SUGCT: variants seen among roughly 807,000 people sequenced by gnomAD.
SUGCT encodes succinyl-CoA:glutarate CoA-transferase.
SUGCT carries 41 observed loss-of-function variants against 55.0 expected under a neutral mutation model. That is an observed-to-expected ratio of 0.74 (90% CI 0.58 to 0.97). SUGCT has a LOEUF of 0.97. SUGCT is among the 50% of genes least tolerant of loss of function. The pLI is 0.00. For synonymous variants in SUGCT, 187 were observed against 200.4 expected, an observed-to-expected ratio of 0.93 and a Z score of 0.56; for missense variants, 568 against 547.8, an observed-to-expected ratio of 1.04 and a Z score of -0.37.
intron 8 of SUGCT, among the ~76,000 whole-genome samples, chr7:40,284,220 T>G (rs932101546): frequency 1.3e-5 from 2 of 152,042 alleles, no homozygotes; most frequent in Non-Finnish European, 2.9e-5. Flanking sequence ...GTTCTGGAGA[T>G]CTATTGTACA....
rs747756483 is a variant in SUGCT, at chr7:40,657,444, C to T, written c.1090-91990C>T. Among the ~76,000 whole-genome samples, 7 of 152,194 alleles carry T rather than the reference C, an allele frequency of 4.6e-5. No individual in the cohort carries two copies. In the South Asian group the frequency reaches 8.3e-4, roughly 18 times the overall value. On this transcript the variant is annotated intron_variant, in intron 12 of 13. Transcript: ENST00000335693. ...ATTCTGTTTTAAGTGTCTTTCAGAA[C>T]GCATATACTGTATCAAGTGCTCAGT... is the stretch of plus-strand genomic sequence containing the variant.
intron 12 of SUGCT, among the ~76,000 whole-genome samples, chr7:40,662,301 G>A (rs1251037981): frequency 6.6e-6 from 1 of 152,148 alleles, no homozygotes; most frequent in Non-Finnish European, 1.5e-5. Flanking sequence ...TACTTCAAGA[G>A]CCACCTCACT....
At chr7:40,450,201 T>G (rs1789110679) in intron 10 of SUGCT, among the ~76,000 whole-genome samples, 1 of 152,128 alleles carries the variant, frequency 6.6e-6, no homozygotes, top group South Asian at 2.1e-4. Flanking sequence ...GTTCTAGAAT[T>G]ACAGGCGTGA....
chr7:40,881,031 T>C, the SUGCT span, among the ~76,000 whole-genome samples: 2 of 152,188 alleles, frequency 1.3e-5, no homozygotes, highest in South Asian at 4.1e-4. Context: ...AAAACTGGGA[T>C]TAGAAAACAT....
chr7:40,690,394 C>G (rs991843031), intron 12 of SUGCT, among the ~76,000 whole-genome samples: 2 of 152,098 alleles, frequency 1.3e-5, no homozygotes, highest in Non-Finnish European at 2.9e-5. Flanking sequence ...TATTATCTTT[C>G]GTAAGCACTT....
rs560628759 is a variant in SUGCT, at chr7:40,508,460, A to C, written c.1089+12074A>C. 3.3e-5 allele frequency among the ~76,000 whole-genome samples: 5 copies of C among 152,292 alleles called. No individual in the cohort carries two copies. In the South Asian group the frequency reaches 1.0e-3, roughly 32 times the overall value. On this transcript the variant is annotated intron_variant, in intron 12 of 13. Coordinates refer to ENST00000335693, the MANE Select transcript of SUGCT (RefSeq NM_001193313.2). ...CCTCATGGGGTAAAGCCATAGTCCT[A>C]GAGTAGAAGGTAGGTGGAGAGGAAG...
chr7:40,785,830 G>T (rs1789981803), intron 13 of SUGCT, among the ~76,000 whole-genome samples: 1 of 152,198 alleles, frequency 6.6e-6, no homozygotes, highest in Non-Finnish European at 1.5e-5. Context: ...GCTCATGCCA[G>T]TAATCCCAGC....
intron 7 of SUGCT, among the ~76,000 whole-genome samples, chr7:40,240,101 A>G (rs1357481437): frequency 2.0e-5 from 3 of 152,204 alleles, no homozygotes; most frequent in Non-Finnish European, 4.4e-5. Flanking sequence ...ATGAACATAT[A>G]TAAATAACAG....
chr7:40,649,674 A>C (rs1051003667), intron 12 of SUGCT, among the ~76,000 whole-genome samples: 1 of 152,228 alleles, frequency 6.6e-6, no homozygotes, highest in African/African-American at 2.4e-5. Context: ...GTACATAGAG[A>C]CATAATGGTA....
At chr7:40,866,300 G>A in the SUGCT span, among the ~76,000 whole-genome samples, 6 of 152,090 alleles carry the variant, frequency 3.9e-5, no homozygotes, top group South Asian at 2.1e-4. Context: ...TCACCCTGAC[G>A]GTCCTGGATT....
At chr7:40,139,229 G>C (rs1230102116) in intron 1 of SUGCT, among the ~76,000 whole-genome samples, 1 of 152,024 alleles carries the variant, frequency 6.6e-6, no homozygotes, top group Non-Finnish European at 1.5e-5. Flanking sequence ...ACAAAGTCTT[G>C]TTCTGTCACC....
intron 12 of SUGCT, among the ~76,000 whole-genome samples, chr7:40,562,783 A>G (rs1032217856): frequency 1.3e-5 from 2 of 152,188 alleles, no homozygotes; most frequent in African/African-American, 4.8e-5. Flanking sequence ...AGGAATGATG[A>G]TGAACTCCAA....
chr7:40,237,511 A>C, intron 6 of SUGCT, 124 bp from the exon 7 acceptor site: 10 of 739,452 alleles, frequency 1.4e-5, no homozygotes, highest in Non-Finnish European at 1.9e-5. Flanking sequence ...AAGGAATGGT[A>C]TAGATCTAAT....
Position 40,237,680 on chromosome 7 carries a change from C to G in SUGCT, c.530C>G (p.Ala177Gly). 6.2e-7 allele frequency: 1 copy of G among 1,613,890 alleles called. No individual in the cohort carries two copies. Among genetic ancestry groups the G allele is most frequent in the South Asian group, 1.1e-5 (1 of 91,066 alleles). Residue 177 changes from alanine (A) to glycine (G), a missense_variant, in exon 7 of 14, where the codon GCT becomes GGT. Ala to Gly is a moderately conservative substitution (Grantham distance 60). Coordinates refer to ENST00000335693, the MANE Select transcript of SUGCT (RefSeq NM_001193313.2). ...GPISQRAGYD[A>G]VASAVSGLMH... The stretch of plus-strand genomic sequence containing the variant: ...ATTTCTCAGCGAGCTGGTTATGATG[C>G]TGTTGCCTCGGCTGTTTCTGGTCTG...
chr7:41,004,046 G>A, the SUGCT span, among the ~76,000 whole-genome samples: 1 of 152,118 alleles, frequency 6.6e-6, no homozygotes, highest in Non-Finnish European at 1.5e-5. Flanking sequence ...CCATCCCTAG[G>A]CATCTTTCTA....
chr7:40,682,465 A>T (rs564282555), intron 12 of SUGCT, among the ~76,000 whole-genome samples: 3 of 152,170 alleles, frequency 2.0e-5, no homozygotes, highest in Admixed American at 2.0e-4. Context: ...CTGAAGTGGG[A>T]AGCAGTATTG....
At chr7:41,022,327 C>A in the SUGCT span, among the ~76,000 whole-genome samples, 1 of 152,116 alleles carries the variant, frequency 6.6e-6, no homozygotes, top group Non-Finnish European at 1.5e-5. Context: ...TTGAAAACAA[C>A]TGTCAGTCTA....
intron 12 of SUGCT, among the ~76,000 whole-genome samples, chr7:40,574,670 G>A (rs1338691779): frequency 2.0e-5 from 3 of 152,292 alleles, no homozygotes; most frequent in African/African-American, 4.8e-5. Flanking sequence ...GACCTCAGGC[G>A]ATCCGCCTGC....
chr7:40,252,075 C>T (rs112040441), intron 7 of SUGCT, among the ~76,000 whole-genome samples: 3,300 of 152,104 alleles, frequency 0.022, 102 homozygotes, highest in African/African-American at 0.074. Context: ...AAATGATGTA[C>T]TTAACATTTT....
Sources: allele counts gnomAD v4.1 joint callset (sites outside exome capture counted in the v4.1 genomes callset), GRCh38; gene constraint gnomAD v4.1.1; transcripts MANE v1.5; gene names NCBI Gene and HGNC (gene_info 2026-07-23, HGNC 2026-07-21).